Variants in SPSB1 observed in about 807,000 individuals in gnomAD.
SPSB1 encodes the protein splA/ryanodine receptor domain and SOCS box containing 1, also known as SPRY domain-containing SOCS box protein 1.
SPSB1 carries 8 observed loss-of-function variants against 21.2 expected under a neutral mutation model. The observed-to-expected ratio is 0.38, with a 90% CI of 0.22 to 0.68. The LOEUF (loss-of-function observed/expected upper bound fraction) is 0.68, where lower values mean the gene tolerates loss of function less well. SPSB1 is among the 30% of genes least tolerant of loss of function. The pLI, the probability that SPSB1 is intolerant of heterozygous loss-of-function variation, is 0.53. For missense variants in SPSB1, 242 were observed against 377.8 expected, an observed-to-expected ratio of 0.64 and a Z score of 2.98; for synonymous variants, 169 against 161.7, an observed-to-expected ratio of 1.05 and a Z score of -0.34.
intron 1 of SPSB1, among the ~76,000 whole-genome samples, chr1:9,315,027 TG>T (rs1639586964): frequency 6.6e-6 from 1 of 152,224 alleles, no homozygotes; most frequent in African/African-American, 2.4e-5. Context: ...AATAATTCAG[TG>T]GGATTTTTGT....
At chr1:9,313,856 A>G (rs529645498) in intron 1 of SPSB1, among the ~76,000 whole-genome samples, 2 of 152,194 alleles carry the variant, frequency 1.3e-5, no homozygotes, top group Non-Finnish European at 2.9e-5. Flanking sequence ...GGGATCTCGA[A>G]TCTCCTGCTT....
At chr1:9,361,309 G>C (rs962854476) in intron 2 of SPSB1, among the ~76,000 whole-genome samples, 2 of 151,634 alleles carry the variant, frequency 1.3e-5, no homozygotes, top group African/African-American at 4.9e-5. Context: ...AGCCGGATCT[G>C]TTTTCTTGGT....
intron 2 of SPSB1, among the ~76,000 whole-genome samples, chr1:9,364,830 T>TTTGTTG (rs34080098): frequency 2.0e-5 from 3 of 151,492 alleles, no homozygotes; most frequent in Admixed American, 6.6e-5. Context: ...TTGTTGTTGT[T>TTTGTTG]TTGTTGTTGT....
rs1486789381 is a variant in SPSB1, at chr1:9,292,951, G to A, written c.-270G>A. 6.1e-6 allele frequency: 4 copies of A among 654,048 alleles called. No individual in the cohort carries two copies. Among genetic ancestry groups the A allele is most frequent in the East Asian group, 3.4e-4 (1 of 2,908 alleles). The allele number at this position is 654,048 out of a possible 1,614,324, so 40.5% of individuals were successfully genotyped here. A position where few individuals can be genotyped will look rare whatever the true frequency, so the allele number is the denominator to read the frequency against. On this transcript the variant is annotated 5_prime_UTR_variant, in exon 1 of 3. Coordinates refer to ENST00000328089, the MANE Select transcript of SPSB1 (RefSeq NM_025106.4). ...TCGCAGCAGGAACCAGGCTCCAGGCGCCGGCGCCGGGGCCGGGGCCGCGGG... is the reference window on the plus strand; with the variant it reads ...TCGCAGCAGGAACCAGGCTCCAGGCACCGGCGCCGGGGCCGGGGCCGCGGG...
chr1:9,294,309 T>C (rs903982173), intron 1 of SPSB1, among the ~76,000 whole-genome samples: 1 of 152,154 alleles, frequency 6.6e-6, no homozygotes, highest in African/African-American at 2.4e-5. Flanking sequence ...TGCGTCTGTG[T>C]ATGTGTGAGT....
intron 1 of SPSB1, among the ~76,000 whole-genome samples, chr1:9,340,288 G>T (rs1640069854): frequency 6.6e-6 from 1 of 152,204 alleles, no homozygotes; most frequent in Non-Finnish European, 1.5e-5. Context: ...GGCCTGGGGG[G>T]GAAGGCAGGG....
intron 2 of SPSB1, among the ~76,000 whole-genome samples, chr1:9,364,532 C>G (rs1187516286): frequency 6.6e-6 from 1 of 152,192 alleles, no homozygotes; most frequent in African/African-American, 2.4e-5. Flanking sequence ...AAACCCAACC[C>G]TGTGAGGAGC....
intron 1 of SPSB1, among the ~76,000 whole-genome samples, chr1:9,304,627 G>A (rs1442971029): frequency 6.6e-6 from 1 of 152,002 alleles, no homozygotes; most frequent in Non-Finnish European, 1.5e-5. Flanking sequence ...AGAATTGCAG[G>A]TGCCTCGGGT....
chr1:9,296,033 C>T (rs1321929495), intron 1 of SPSB1, among the ~76,000 whole-genome samples: 1 of 152,094 alleles, frequency 6.6e-6, no homozygotes, highest in African/African-American at 2.4e-5. Context: ...TGAGTGCTCT[C>T]CCCTCCCCCA....
chr1:9,297,543 G>A (rs1318953251), intron 1 of SPSB1, among the ~76,000 whole-genome samples: 1 of 152,144 alleles, frequency 6.6e-6, no homozygotes, highest in Admixed American at 6.5e-5. Flanking sequence ...GGGAGCATGT[G>A]TGGGAGTGGA....
intron 1 of SPSB1, among the ~76,000 whole-genome samples, chr1:9,302,905 C>T (rs974603216): frequency 3.9e-5 from 6 of 152,272 alleles, no homozygotes; most frequent in African/African-American, 9.6e-5. Context: ...GACCCGCTAG[C>T]GAAATTGTTG....
In SPSB1 at chr1:9,363,169, C is replaced by T. The variant is rs773078171; in HGVS notation, c.695-4279C>T. Among the ~76,000 whole-genome samples the T allele has an allele frequency of 3.3e-5, 5 of 152,224 alleles. No homozygotes were observed. Among genetic ancestry groups the T allele is most frequent in the Non-Finnish European group, 7.3e-5 (5 of 68,042 alleles). ...CATGCATTCTTGGTCTCTGCCCAGC[C>T]TTTGGAAAGCAGTTAGACCGGGCCC... On this transcript the variant is annotated intron_variant, in intron 2 of 2. Coordinates refer to ENST00000328089, the MANE Select transcript of SPSB1 (RefSeq NM_025106.4). This position sits in a 1 kb window ranked among gnomAD's most constrained non-coding sequence, Gnocchi z 4.5.
At chr1:9,319,185 AAAAC>A (rs1303695795) in intron 1 of SPSB1, among the ~76,000 whole-genome samples, 1 of 152,166 alleles carries the variant, frequency 6.6e-6, no homozygotes, top group Non-Finnish European at 1.5e-5. Flanking sequence ...CATCTCAAAA[AAAAC>A]AAAACAACAG....
At position 9,346,330 on chromosome 1, in the gene SPSB1, C is replaced by T. The variant is rs1046983531; in HGVS notation, c.-149-9413C>T. On this transcript the variant is annotated intron_variant, in intron 1 of 2. Coordinates refer to ENST00000328089, the MANE Select transcript of SPSB1 (RefSeq NM_025106.4). This position sits in a 1 kb window ranked among gnomAD's most constrained non-coding sequence, Gnocchi z 4.4. ...ATGGTTTTACTGTTCTGGGGTCAGT[C>T]GGACACACTGTGGAGGAACTGGGTG... 3.3e-5 allele frequency among the ~76,000 whole-genome samples: 5 copies of T among 152,156 alleles called. No individual in the cohort carries two copies. The highest frequency in any genetic ancestry group is 1.2e-4 in the African/African-American group (5 of 41,440).
At chr1:9,336,404 T>C (rs1640004120) in intron 1 of SPSB1, among the ~76,000 whole-genome samples, 2 of 152,140 alleles carry the variant, frequency 1.3e-5, no homozygotes, top group African/African-American at 4.8e-5. Flanking sequence ...TTTTGTATTT[T>C]TAGTAGAGAT....
At chr1:9,361,098 C>T (rs995056931) in intron 2 of SPSB1, among the ~76,000 whole-genome samples, 1 of 149,250 alleles carries the variant, frequency 6.7e-6, no homozygotes, top group Non-Finnish European at 1.5e-5. Flanking sequence ...AGGGTCTGCC[C>T]GGGAGCAGAG....
At chr1:9,302,391 C>G (rs1468991776) in intron 1 of SPSB1, among the ~76,000 whole-genome samples, 1 of 152,198 alleles carries the variant, frequency 6.6e-6, no homozygotes, top group African/African-American at 2.4e-5. Context: ...CGGGCTGCCC[C>G]AGATGTGTCT....
rs1019673023 is a variant in SPSB1 at position 9,292,895 on chromosome 1, C to T, written c.-326C>T. 1.2e-5 allele frequency: 12 copies of T among 983,574 alleles called. No homozygotes were observed. Among genetic ancestry groups the T allele is most frequent in the East Asian group, 2.3e-4 (2 of 8,740 alleles). The allele number at this position is 983,574 out of a possible 1,614,324, so 60.9% of individuals were successfully genotyped here. ...GCCGTCGGTTGCTTTTTCTCCTCCG[C>T]ACAGAAGTCGCGCTCGGGCAGCCTG... On this transcript the variant is annotated 5_prime_UTR_variant, in exon 1 of 3. Coordinates refer to ENST00000328089, the MANE Select transcript of SPSB1 (RefSeq NM_025106.4).
intron 2 of SPSB1, among the ~76,000 whole-genome samples, chr1:9,357,992 C>T (rs1640402373): frequency 6.6e-6 from 1 of 152,168 alleles, no homozygotes; most frequent in Admixed American, 6.5e-5. Context: ...GAGCTCTAAC[C>T]CCACCCTGCA....
Sources: allele counts gnomAD v4.1 joint callset (sites outside exome capture counted in the v4.1 genomes callset), GRCh38; gene constraint gnomAD v4.1.1; non-coding constraint Gnocchi (gnomAD v3.1); transcripts MANE v1.5; gene names NCBI Gene and HGNC (gene_info 2026-07-23, HGNC 2026-07-21).